TMEM53: variants seen among roughly 807,000 people sequenced by gnomAD.
The protein encoded by TMEM53 is novel DUF829 domain-containing protein.
In TMEM53, 14 loss-of-function variants were observed where a neutral mutation model predicts 21.4. The observed-to-expected ratio is 0.65, with a 90% CI of 0.43 to 1.02. The LOEUF (loss-of-function observed/expected upper bound fraction) is 1.02, where lower values mean the gene tolerates loss of function less well. Ranked by LOEUF, TMEM53 falls within the 50% of genes least tolerant of loss-of-function variation. The pLI is 0.00. For synonymous variants in TMEM53, 148 were observed against 157.4 expected (o/e 0.94, Z 0.45); for missense variants, 323 against 383.6 (o/e 0.84, Z 1.32).
intron 1 of TMEM53, chr1:44,673,938 C>T (rs1645048177): frequency 2.0e-6 from 2 of 985,338 alleles, no homozygotes; most frequent in African/African-American, 1.7e-5. Context: ...CCCTCCACGC[C>T]TTCGGGAAAA....
chr1:44,668,037 C>T (rs1644964317), intron 1 of TMEM53, among the ~76,000 whole-genome samples: 1 of 152,126 alleles, frequency 6.6e-6, no homozygotes, highest in Non-Finnish European at 1.5e-5. Flanking sequence ...ACCCCAGGGG[C>T]ATATGGGGAA....
chr1:44,659,412 C>T (rs1314695988), intron 2 of TMEM53, among the ~76,000 whole-genome samples: 1 of 152,198 alleles, frequency 6.6e-6, no homozygotes, highest in Non-Finnish European at 1.5e-5. Flanking sequence ...GTGAGAGAGG[C>T]TTCCAAAATA....
At chr1:44,659,913 G>A (rs551478603) in intron 2 of TMEM53, among the ~76,000 whole-genome samples, 7 of 144,002 alleles carry the variant, frequency 4.9e-5, no homozygotes, top group South Asian at 2.2e-4. Context: ...AGGCTGGAGT[G>A]CAATGGCACA....
At chr1:44,673,074 C>T (rs980818117) in intron 1 of TMEM53, among the ~76,000 whole-genome samples, 5 of 152,222 alleles carry the variant, frequency 3.3e-5, no homozygotes, top group African/African-American at 1.2e-4. Flanking sequence ...GAAGACTCTC[C>T]AAAGGAAATA....
At chr1:44,670,368 G>C (rs12756906) in intron 1 of TMEM53, among the ~76,000 whole-genome samples, 1 of 152,050 alleles carries the variant, frequency 6.6e-6, no homozygotes. Flanking sequence ...TCCCCCTTCA[G>C]GGATTTACTT....
chr1:44,658,298 C>T (rs1181177504), intron 2 of TMEM53, among the ~76,000 whole-genome samples: 2 of 152,148 alleles, frequency 1.3e-5, no homozygotes, highest in Non-Finnish European at 2.9e-5. Context: ...ACACACCCCC[C>T]TCTACCCAGG....
At chr1:44,663,208 C>T (rs1221301364) in intron 1 of TMEM53, among the ~76,000 whole-genome samples, 1 of 152,190 alleles carries the variant, frequency 6.6e-6, no homozygotes, top group Non-Finnish European at 1.5e-5. Context: ...CACGTGCCAC[C>T]ATGGCCCGGC....
intron 2 of TMEM53, among the ~76,000 whole-genome samples, chr1:44,657,149 G>A (rs1394683499): frequency 1.3e-5 from 2 of 151,856 alleles, no homozygotes; most frequent in Non-Finnish European, 2.9e-5. Context: ...AGCTATGATT[G>A]CACCACTGCA....
In TMEM53 at chr1:44,654,899, C is replaced by T. The variant is rs527977865; in HGVS notation, c.494G>A (p.Arg165Gln). The change falls in exon 3 of 3, where the codon CGG becomes CAG. Residue 165 changes from arginine (R) to glutamine (Q), a missense_variant. Physicochemically the swap from Arg to Gln is conservative, Grantham distance 43. Around this residue, in one of 3 missense-constraint regions of TMEM53, gnomAD observed 269 missense variants for 334.5 expected, o/e 0.80. Transcript: ENST00000372237. This position sits in a 1 kb window ranked among gnomAD's most constrained non-coding sequence, Gnocchi z 7.0. ...LRALAAILER[R>Q]AAMLRLLLLV... ...CAGCAACAGGCGCAGCATGGCGGCCCGGCGCTCCAGGATGGCTGCCAGGGC... is the reference window on the plus strand; with the variant it reads ...CAGCAACAGGCGCAGCATGGCGGCCTGGCGCTCCAGGATGGCTGCCAGGGC... The T allele has an allele frequency of 5.6e-6, 9 of 1,612,522 alleles. No individual in the cohort carries two copies. The highest frequency in any genetic ancestry group is 2.7e-5 in the African/African-American group (2 of 75,034).
intron 1 of TMEM53, among the ~76,000 whole-genome samples, chr1:44,667,309 T>G (rs72671972): frequency 0.23 from 34,850 of 148,864 alleles, 5,371 homozygotes; most frequent in African/African-American, 0.44. Flanking sequence ...GCACACTTTT[T>G]TTGTTGTTTT....
At chr1:44,671,318 G>A (rs992667824) in intron 1 of TMEM53, among the ~76,000 whole-genome samples, 2 of 152,254 alleles carry the variant, frequency 1.3e-5, no homozygotes, top group South Asian at 4.1e-4. Context: ...GAAGGATGTT[G>A]GGCTGCCAAG....
chr1:44,667,347 G>A (rs1369302131), intron 1 of TMEM53, among the ~76,000 whole-genome samples: 15 of 141,212 alleles, frequency 1.1e-4, no homozygotes, highest in Non-Finnish European at 1.7e-4. Context: ...TCACTCTGTC[G>A]CCCAGGCTGG....
At position 44,654,266 on chromosome 1, in the gene TMEM53, T is replaced by A. The variant is rs941938175; in HGVS notation, c.*293A>T. Reference sequence around the variant, plus strand: ...CCTCCATTTGTCAACCTCTACAGCCTGCATGCCACAGGAATCAGCAGCCTG... The same window carrying A: ...CCTCCATTTGTCAACCTCTACAGCCAGCATGCCACAGGAATCAGCAGCCTG... On this transcript the variant is annotated 3_prime_UTR_variant, in exon 3 of 3. Transcript: ENST00000372237. The surrounding 1 kb of genome is among the most constrained non-coding windows in gnomAD (Gnocchi z 7.0). 3 of 399,072 alleles carry A rather than the reference T, an allele frequency of 7.5e-6. No homozygotes were observed. The highest frequency in any genetic ancestry group is 1.4e-5 in the Non-Finnish European group (3 of 220,234). 24.7% of individuals were successfully genotyped at this position (399,072 alleles called of 1,614,324 possible).
chr1:44,672,372 T>C (rs1221821788), intron 1 of TMEM53, among the ~76,000 whole-genome samples: 1 of 152,210 alleles, frequency 6.6e-6, no homozygotes, highest in African/African-American at 2.4e-5. Flanking sequence ...GCACACCATT[T>C]TGAAACCACC....
Position 44,654,699 on chromosome 1 carries a change from C to G in TMEM53, c.694G>C (p.Val232Leu). The G allele has an allele frequency of 1.9e-6, 3 of 1,614,152 alleles. No homozygotes were observed. Among genetic ancestry groups the G allele is most frequent in the Non-Finnish European group, 2.5e-6 (3 of 1,180,026 alleles). ...VVLARDIERM[V>L]EARLARRVLA... The stretch of plus-strand genomic sequence containing the variant: ...ACCCGGCGTGCCAGGCGTGCCTCCA[C>G]CATGCGTTCTATGTCTCTGGCCAGG... The change falls in exon 3 of 3, where the codon GTG (valine) becomes CTG (leucine). Residue 232 changes from valine to leucine, a missense_variant. By Grantham distance (32) the Val-to-Leu change is conservative. Around this residue, in one of 3 missense-constraint regions of TMEM53, gnomAD observed 269 missense variants for 334.5 expected, o/e 0.80. Transcript: ENST00000372237. This position sits in a 1 kb window ranked among gnomAD's most constrained non-coding sequence, Gnocchi z 7.0.
chr1:44,659,990 C>G (rs1333607938), intron 2 of TMEM53, among the ~76,000 whole-genome samples, 184 bp downstream of exon 2: 1 of 151,750 alleles, frequency 6.6e-6, no homozygotes, highest in Non-Finnish European at 1.5e-5. Context: ...TCCCAAGTAG[C>G]TGGGATTACA....
In TMEM53 at chr1:44,655,621, C is replaced by T. The variant is rs550181162; in HGVS notation, c.184-412G>A. Reference sequence around the variant, plus strand: ...GATGGGGCCTCACTGCTTGGCTATACCCTGTCCCAGCACCTCAGATCTGCA... The same window carrying T: ...GATGGGGCCTCACTGCTTGGCTATATCCTGTCCCAGCACCTCAGATCTGCA... On this transcript the variant is annotated intron_variant, in intron 2 of 2. Transcript: ENST00000372237. This position sits in a 1 kb window ranked among gnomAD's most constrained non-coding sequence, Gnocchi z 4.4. 6.6e-6 allele frequency among the ~76,000 whole-genome samples: 1 copy of T among 152,092 alleles called. No individual in the cohort carries two copies. The highest frequency in any genetic ancestry group is 1.5e-5 in the Non-Finnish European group (1 of 68,030).
At chr1:44,669,156 A>G (rs1006543777) in intron 1 of TMEM53, among the ~76,000 whole-genome samples, 1 of 152,280 alleles carries the variant, frequency 6.6e-6, no homozygotes, top group African/African-American at 2.4e-5. Flanking sequence ...TAGAAAAAGT[A>G]GAAAATGAAT....
rs1035953374 is a variant in TMEM53 at position 44,661,118 on chromosome 1, C to T, written c.62-823G>A. 5.3e-5 allele frequency among the ~76,000 whole-genome samples: 8 copies of T among 152,144 alleles called. No homozygotes were observed. In the East Asian group the frequency reaches 5.8e-4, roughly 11 times the overall value. On this transcript the variant is annotated intron_variant, in intron 1 of 2. Coordinates refer to ENST00000372237, the MANE Select transcript of TMEM53 (RefSeq NM_024587.4). ...TCTATGGCTACTTTTACACTAAGAA[C>T]AGCAGAGTAGAGTAGTTACAACAAG... is the stretch of plus-strand genomic sequence containing the variant.
Sources: allele counts gnomAD v4.1 joint callset (sites outside exome capture counted in the v4.1 genomes callset), GRCh38; gene constraint gnomAD v4.1.1; regional missense constraint gnomAD v4.1.1; non-coding constraint Gnocchi (gnomAD v3.1); transcripts MANE v1.5; gene names NCBI Gene and HGNC (gene_info 2026-07-23, HGNC 2026-07-21).